The following CTNNA3 variants were observed in gnomAD, a reference collection of about 807,000 sequenced individuals.
CTNNA3 encodes the protein catenin alpha 3.
Under a neutral mutation model 95.7 loss-of-function variants are expected in CTNNA3, and 76 were observed. The observed-to-expected ratio is 0.79, with a 90% confidence interval of 0.66 to 0.96. The LOEUF (loss-of-function observed/expected upper bound fraction) is 0.96. Among genes scored for constraint, CTNNA3 ranks in the 40% least tolerant of loss-of-function variants. The pLI, the probability that CTNNA3 is intolerant of heterozygous loss-of-function variation, is 0.00. For synonymous variants in CTNNA3, 431 were observed against 374.4 expected (o/e 1.15, Z -1.74); for missense variants, 1,191 against 1,089.8 (o/e 1.09, Z -1.31).
intron 7 of CTNNA3, among the ~76,000 whole-genome samples, chr10:67,050,210 A>G (rs1854998464): frequency 6.6e-6 from 1 of 152,256 alleles, no homozygotes; most frequent in African/African-American, 2.4e-5. Context: ...TGCAATGCAG[A>G]TAAGAGGAAA....
intron 7 of CTNNA3, among the ~76,000 whole-genome samples, chr10:66,802,705 T>C (rs1216868429): frequency 6.6e-6 from 1 of 151,034 alleles, no homozygotes; most frequent in African/African-American, 2.4e-5. Context: ...TGAATCATAA[T>C]AGCCCCAAAC....
intron 7 of CTNNA3, among the ~76,000 whole-genome samples, chr10:66,973,710 A>G (rs1284680924): frequency 2.6e-5 from 4 of 151,936 alleles, no homozygotes; most frequent in Admixed American, 2.0e-4. Flanking sequence ...TGCAACCTCC[A>G]TCTCCCAGGT....
chr10:66,387,583 TC>T (rs2092903119), intron 11 of CTNNA3, among the ~76,000 whole-genome samples: 1 of 152,120 alleles, frequency 6.6e-6, no homozygotes, highest in African/African-American at 2.4e-5. Flanking sequence ...GACCCAGCAA[TC>T]CCATTACTGG....
chr10:66,686,855 C>A (rs1278112387), intron 9 of CTNNA3, among the ~76,000 whole-genome samples: 1 of 152,064 alleles, frequency 6.6e-6, no homozygotes, highest in Non-Finnish European at 1.5e-5. Context: ...AAGAACAAAC[C>A]AATAAATCTC....
chr10:66,271,524 T>C (rs1243560775), intron 13 of CTNNA3, among the ~76,000 whole-genome samples: 1 of 152,260 alleles, frequency 6.6e-6, no homozygotes. Context: ...TGACATTTAA[T>C]AATTCACTTA....
chr10:66,764,772 T>A (rs1436856364), intron 9 of CTNNA3, among the ~76,000 whole-genome samples: 1 of 152,184 alleles, frequency 6.6e-6, no homozygotes, highest in Non-Finnish European at 1.5e-5. Flanking sequence ...GTGTCTACAG[T>A]TAATAAATCT....
intron 5 of CTNNA3, among the ~76,000 whole-genome samples, chr10:67,302,283 G>A (rs972842241): frequency 2.6e-5 from 4 of 152,082 alleles, no homozygotes; most frequent in Non-Finnish European, 5.9e-5. Context: ...AGGAATGGGG[G>A]ATTGGGGAGA....
intron 7 of CTNNA3, among the ~76,000 whole-genome samples, chr10:66,862,827 T>A (rs1194253405): frequency 6.6e-6 from 1 of 152,158 alleles, no homozygotes; most frequent in African/African-American, 2.4e-5. Flanking sequence ...TTTGAATTGG[T>A]AGATTGCATA....
At chr10:67,032,822 T>A (rs1343230584) in intron 7 of CTNNA3, among the ~76,000 whole-genome samples, 1 of 152,212 alleles carries the variant, frequency 6.6e-6, no homozygotes, top group Non-Finnish European at 1.5e-5. Flanking sequence ...CAGACCACAC[T>A]GAATCCTTGG....
At chr10:66,695,521 CTAT>C (rs930423897) in intron 9 of CTNNA3, among the ~76,000 whole-genome samples, 8 of 152,046 alleles carry the variant, frequency 5.3e-5, no homozygotes, top group Admixed American at 5.2e-4. Flanking sequence ...TGTGTAGAAT[CTAT>C]TATTATCCTC....
chr10:66,561,081 A>C (rs896065463), intron 10 of CTNNA3, among the ~76,000 whole-genome samples: 23 of 152,120 alleles, frequency 1.5e-4, no homozygotes, highest in African/African-American at 5.3e-4. Context: ...CTTTAAAAAA[A>C]TAAAAATAAA....
intron 11 of CTNNA3, among the ~76,000 whole-genome samples, chr10:66,443,896 A>T (rs1010314417): frequency 2.0e-5 from 3 of 152,156 alleles, no homozygotes; most frequent in Non-Finnish European, 2.9e-5. Flanking sequence ...AGGAAATTCA[A>T]ACCAATGGCA....
At chr10:66,286,263 C>A (rs551947596) in intron 12 of CTNNA3, among the ~76,000 whole-genome samples, 10 of 152,164 alleles carry the variant, frequency 6.6e-5, no homozygotes, top group Non-Finnish European at 1.5e-4. Flanking sequence ...ATATTTGGCA[C>A]ATACCATCTT....
chr10:67,466,712 A>G (rs1847608560), intron 5 of CTNNA3, among the ~76,000 whole-genome samples: 1 of 151,552 alleles, frequency 6.6e-6, no homozygotes, highest in Admixed American at 6.6e-5. Flanking sequence ...TTGAAAATCT[A>G]AATAATATCT....
At chr10:67,143,440 A>AAAAAG (rs1276881544) in intron 7 of CTNNA3, among the ~76,000 whole-genome samples, 1 of 150,616 alleles carries the variant, frequency 6.6e-6, no homozygotes, top group Admixed American at 6.6e-5. Context: ...AAAAAAAAAA[A>AAAAAG]AAAAAAATTA....
At chr10:66,072,154 A>C (rs1239010409) in intron 14 of CTNNA3, among the ~76,000 whole-genome samples, 1 of 152,160 alleles carries the variant, frequency 6.6e-6, no homozygotes, top group Non-Finnish European at 1.5e-5. Flanking sequence ...TTGAAATTTG[A>C]ATTTTACATA....
Position 66,448,959 on chromosome 10 carries a change from G to A in CTNNA3, c.1532-69607C>T, listed in dbSNP as rs376144281. On this transcript the variant is annotated intron_variant, in intron 11 of 17. Coordinates refer to ENST00000433211, the MANE Select transcript of CTNNA3 (RefSeq NM_013266.4). ...ACAATAATCAGATGAGATTGGCTAA[G>A]AGTAAATCCATATGTCTCTTTCTTT... Among the ~76,000 whole-genome samples the A allele has an allele frequency of 5.9e-5, 9 of 152,104 alleles. No homozygotes were observed. In the South Asian group the frequency reaches 1.5e-3, roughly 25 times the overall value.
At position 67,140,800 on chromosome 10, in the gene CTNNA3, T is replaced by A. The variant is rs1401743325; in HGVS notation, c.1047+39517A>T. On this transcript the variant is annotated intron_variant, in intron 7 of 17. Transcript: ENST00000433211. ...GAAGGGGGAAATACCAGTTCTTTTG[T>A]TATTCCTTTTCCTGGTGAGAGAGGG... Among the ~76,000 whole-genome samples the A allele has an allele frequency of 2.6e-5, 4 of 152,328 alleles. No individual in the cohort carries two copies. In the East Asian group the frequency reaches 7.7e-4, roughly 29 times the overall value.
chr10:66,535,822 C>T (rs1174521927), intron 10 of CTNNA3, among the ~76,000 whole-genome samples: 1 of 151,966 alleles, frequency 6.6e-6, no homozygotes, highest in Non-Finnish European at 1.5e-5. Flanking sequence ...AGAATCATGA[C>T]CAGTTGAATG....
Sources: allele counts gnomAD v4.1 joint callset (sites outside exome capture counted in the v4.1 genomes callset), GRCh38; gene constraint gnomAD v4.1.1; transcripts MANE v1.5; gene names NCBI Gene and HGNC (gene_info 2026-07-23, HGNC 2026-07-21).